ZRANB1: variants seen among roughly 807,000 people sequenced by gnomAD.
The protein encoded by ZRANB1 is ubiquitin thioesterase ZRANB1.
ZRANB1 carries 16 observed loss-of-function variants against 80.5 expected under a neutral mutation model. That is an observed-to-expected ratio of 0.20 (90% CI 0.13 to 0.30). The LOEUF (loss-of-function observed/expected upper bound fraction) is 0.30, where lower values mean the gene tolerates loss of function less well. Ranked by LOEUF, ZRANB1 falls within the 10% of genes least tolerant of loss-of-function variation. The probability of loss-of-function intolerance (pLI) is 1.00; values close to 1 mark genes in which losing one functional copy is unlikely to be tolerated. For synonymous variants in ZRANB1, 291 were observed against 293.1 expected (o/e 0.99, Z 0.07); for missense variants, 576 against 862.6 (o/e 0.67, Z 4.16).
intron 5 of ZRANB1, 135 bp from the exon 6 acceptor site, chr10:124,981,574 C>A: frequency 3.6e-6 from 3 of 834,556 alleles, no homozygotes; most frequent in South Asian, 2.3e-5. Context: ...AAATACATTA[C>A]CAACCAGACA....
At chr10:124,980,434 T>C (rs1460564925) in intron 5 of ZRANB1, among the ~76,000 whole-genome samples, 1 of 152,234 alleles carries the variant, frequency 6.6e-6, no homozygotes, top group Non-Finnish European at 1.5e-5. Context: ...TATAAAGTTA[T>C]TTTAGGCACC....
chr10:124,963,554 GTTT>G (rs760813299), intron 1 of ZRANB1, among the ~76,000 whole-genome samples: 7,341 of 57,378 alleles, frequency 0.13, 133 homozygotes, highest in African/African-American at 0.2. Flanking sequence ...TTTTTTGTTT[GTTT>G]TTTTTTTTTT....
Position 124,946,859 on chromosome 10 carries a change from C to G in ZRANB1, c.814+3552C>G, listed in dbSNP as rs192566469. Among the ~76,000 whole-genome samples, 8 of 152,226 alleles carry G rather than the reference C, an allele frequency of 5.3e-5. No individual in the cohort carries two copies. In the East Asian group the frequency reaches 1.5e-3, roughly 29 times the overall value. On this transcript the variant is annotated intron_variant, in intron 1 of 8. Transcript: ENST00000359653. ...ATCTTTACGTCCCTTTTCTGCCTGC[C>G]TTATGTTCCCCAGATTTCATTAGAT...
At chr10:124,938,161 ATAAT>A (rs1397832301), upstream of ZRANB1, among the ~76,000 whole-genome samples, 3 of 152,170 alleles carry the variant, frequency 2.0e-5, no homozygotes, top group Non-Finnish European at 4.4e-5. Flanking sequence ...TACTTTGGAA[ATAAT>A]TTTATGTACT....
At chr10:124,968,136 A>G (rs767089079) in intron 2 of ZRANB1, among the ~76,000 whole-genome samples, 17 of 152,130 alleles carry the variant, frequency 1.1e-4, no homozygotes, top group Non-Finnish European at 2.2e-4. Context: ...ACCTCAAGTG[A>G]TCTGCCCGCC....
intron 5 of ZRANB1, among the ~76,000 whole-genome samples, chr10:124,979,689 T>C (rs1410137618): frequency 6.6e-6 from 1 of 152,222 alleles, no homozygotes; most frequent in African/African-American, 2.4e-5. Flanking sequence ...CATTTTGAGG[T>C]CATTTTTGTT....
chr10:124,959,253 A>G (rs984156331), intron 1 of ZRANB1, among the ~76,000 whole-genome samples: 3 of 152,258 alleles, frequency 2.0e-5, no homozygotes, highest in Admixed American at 6.5e-5. Flanking sequence ...TAGTGTTTCT[A>G]TTAGTGAGAA....
At chr10:124,943,545 G>GTGTA (rs1554936017) in intron 1 of ZRANB1, among the ~76,000 whole-genome samples, 22 of 149,674 alleles carry the variant, frequency 1.5e-4, no homozygotes, top group South Asian at 2.1e-4. Context: ...GTGTGTGTGT[G>GTGTA]TATATATATA....
rs533822086 is a variant in ZRANB1 at position 124,987,611 on chromosome 10, AG to A, written c.*2621del. The stretch of plus-strand genomic sequence containing the variant: ...CTACCTTTTTGTTCCCTGGGGTAAT[AG>A]GTCAGTAACTATGAGCGCCGTCTCT... On this transcript the variant is annotated 3_prime_UTR_variant, in exon 9 of 9. Transcript: ENST00000359653. 1.3e-4 allele frequency: 20 copies of A among 152,222 alleles called. No homozygotes were observed. The East Asian group carries it at 3.9e-3, about 29-fold the overall frequency. 9.4% of individuals were successfully genotyped at this position (152,222 alleles called of 1,614,324 possible). A position where few individuals can be genotyped will look rare whatever the true frequency, so the allele number is the denominator to read the frequency against.
chr10:124,983,598 C>A lies in ZRANB1; in HGVS notation c.1818C>A (p.Leu606=), dbSNP rs757712727. ...GCAACCGAGGTGCTGGTGCTAATCT[C>A]AATACCGATGATGATGTCACCATCA... is the stretch of plus-strand genomic sequence containing the variant. ...GYGNRGAGAN[L]NTDDDVTITF... Residue 606 remains leucine, a synonymous_variant, in exon 8 of 9, where the codon CTC becomes CTA. Coordinates refer to ENST00000359653, the MANE Select transcript of ZRANB1 (RefSeq NM_017580.3). This position sits in a 1 kb window ranked among gnomAD's most constrained non-coding sequence, Gnocchi z 6.2. 6.2e-7 allele frequency: 1 copy of A among 1,613,982 alleles called. No individual in the cohort carries two copies. The highest frequency in any genetic ancestry group is 8.5e-7 in the Non-Finnish European group (1 of 1,180,020).
the ZRANB1 span, among the ~76,000 whole-genome samples, chr10:124,922,708 C>T: frequency 2.0e-5 from 3 of 151,710 alleles, no homozygotes; most frequent in African/African-American, 7.3e-5. Context: ...GTTGGCCCGG[C>T]TGGTCTCGAA....
chr10:124,950,108 A>AT lies in ZRANB1; in HGVS notation c.814+6807dup, dbSNP rs1951624750. Among the ~76,000 whole-genome samples, 5 of 152,136 alleles carry AT rather than the reference A, an allele frequency of 3.3e-5. No homozygotes were observed. The South Asian group carries it at 1.0e-3, about 32-fold the overall frequency. On this transcript the variant is annotated intron_variant, in intron 1 of 8. Transcript: ENST00000359653. ...AGACTTAGATGATTTTTATTGTTTT[A>AT]TTTTTTAATTAATTAACTAATTAAC... is the stretch of plus-strand genomic sequence containing the variant.
chr10:124,939,182 C>A (rs1272827402), upstream of ZRANB1, among the ~76,000 whole-genome samples: 2 of 149,900 alleles, frequency 1.3e-5, no homozygotes, highest in Non-Finnish European at 1.5e-5. Flanking sequence ...TCAACAACAA[C>A]AAAAATCGTG....
At chr10:124,919,908 G>GCCC in the ZRANB1 span, among the ~76,000 whole-genome samples, 185 of 56,678 alleles carry the variant, frequency 3.3e-3, 5 homozygotes, top group Middle Eastern at 0.021. Context: ...ACCGCGCCCG[G>GCCC]CCCCCCCCCC....
At chr10:124,975,539 C>G (rs1712923911) in intron 5 of ZRANB1, among the ~76,000 whole-genome samples, 1 of 152,150 alleles carries the variant, frequency 6.6e-6, no homozygotes, top group South Asian at 2.1e-4. Context: ...CATGCAATCA[C>G]TGGAAAAATA....
At chr10:124,964,974 A>C (rs1224161278) in intron 1 of ZRANB1, among the ~76,000 whole-genome samples, 1 of 152,222 alleles carries the variant, frequency 6.6e-6, no homozygotes, top group East Asian at 1.9e-4. Context: ...GAAGTTTCAG[A>C]GTTCTTTCTG....
intron 2 of ZRANB1, among the ~76,000 whole-genome samples, chr10:124,967,546 C>T (rs1358835269): frequency 6.6e-6 from 1 of 152,162 alleles, no homozygotes; most frequent in Non-Finnish European, 1.5e-5. Context: ...GGTATGGGCG[C>T]AGGGGAGTGA....
At chr10:124,982,612 A>C (rs1469967572) in intron 6 of ZRANB1, among the ~76,000 whole-genome samples, 1 of 152,148 alleles carries the variant, frequency 6.6e-6, no homozygotes, top group Non-Finnish European at 1.5e-5. Flanking sequence ...ACCATGGTTC[A>C]TTTGAACTTA....
chr10:124,924,854 G>A, the ZRANB1 span, among the ~76,000 whole-genome samples: 1 of 150,490 alleles, frequency 6.6e-6, no homozygotes, highest in East Asian at 1.9e-4. Context: ...TGCTAATTAT[G>A]TTTAACCTTT....
Sources: allele counts gnomAD v4.1 joint callset (sites outside exome capture counted in the v4.1 genomes callset), GRCh38; gene constraint gnomAD v4.1.1; non-coding constraint Gnocchi (gnomAD v3.1); transcripts MANE v1.5; gene names NCBI Gene and HGNC (gene_info 2026-07-23, HGNC 2026-07-21).